DMD: variants seen among roughly 807,000 people sequenced by gnomAD.
The protein encoded by DMD is mutant dystrophin.
A neutral mutation model predicts 330.1 loss-of-function variants in DMD; 63 were observed. The observed-to-expected ratio is 0.19, with a 90% CI of 0.16 to 0.24. The LOEUF (loss-of-function observed/expected upper bound fraction) is 0.24, where lower values mean the gene tolerates loss of function less well. DMD is among the 10% of genes least tolerant of loss of function. The probability of loss-of-function intolerance (pLI) is 1.00; values close to 1 mark genes in which losing one functional copy is unlikely to be tolerated. For missense variants in DMD, 3,344 were observed against 2,684.1 expected, an observed-to-expected ratio of 1.25 and a Z score of -5.43; for synonymous variants, 1,223 against 959.8, an observed-to-expected ratio of 1.27 and a Z score of -5.07.
intron 13 of DMD, among the ~76,000 whole-genome samples, chrX:32,590,377 G>A (rs1044883226): frequency 1.7e-4 from 19 of 111,452 alleles, no homozygotes; most frequent in African/African-American, 6.2e-4. Context: ...AATATTATGT[G>A]TCAACTTCAT....
At chrX:33,195,920 T>A (rs1021903335) in intron 1 of DMD, among the ~76,000 whole-genome samples, 23 of 111,500 alleles carry the variant, frequency 2.1e-4, no homozygotes, top group Non-Finnish European at 3.8e-4. Flanking sequence ...TAGGCACAAT[T>A]AATCCACATA....
At chrX:32,205,181 G>T (rs1234003417) in intron 44 of DMD, among the ~76,000 whole-genome samples, 1 of 96,729 alleles carries the variant, frequency 1.0e-5, no homozygotes. Context: ...TTCACAGTTT[G>T]GACAATGAAC....
intron 7 of DMD, among the ~76,000 whole-genome samples, chrX:32,715,637 T>C (rs963770399): frequency 9.2e-6 from 1 of 108,652 alleles, no homozygotes; most frequent in Non-Finnish European, 1.9e-5. Flanking sequence ...CCATCTCTAC[T>C]AAAAATGCAA....
chrX:32,012,414 G>T (rs980853157), intron 44 of DMD, among the ~76,000 whole-genome samples: 1 of 111,704 alleles, frequency 9.0e-6, no homozygotes, highest in Non-Finnish European at 1.9e-5. Context: ...TTCCATTATT[G>T]TGCCTCAGTC....
At chrX:32,503,945 T>C (rs955114661) in intron 18 of DMD, among the ~76,000 whole-genome samples, 1 of 111,810 alleles carries the variant, frequency 8.9e-6, no homozygotes, top group Non-Finnish European at 1.9e-5. Context: ...GATATAAAAC[T>C]GCAGTAATCA....
At chrX:32,830,208 T>A (rs1425340005) in intron 4 of DMD, among the ~76,000 whole-genome samples, 1 of 111,570 alleles carries the variant, frequency 9.0e-6, no homozygotes, top group Non-Finnish European at 1.9e-5. Context: ...TTTCTTACTA[T>A]TAGCTGTAAG....
chrX:32,940,841 A>G (rs2090359470), intron 2 of DMD, among the ~76,000 whole-genome samples: 1 of 111,938 alleles, frequency 8.9e-6, no homozygotes, highest in East Asian at 2.8e-4. Flanking sequence ...GCACAGCAAA[A>G]GAAACTATCA....
intron 76 of DMD, 21 bp from the exon 77 acceptor site, chrX:31,134,215 A>G (rs757631786): frequency 8.8e-7 from 1 of 1,141,958 alleles, no homozygotes; most frequent in Non-Finnish European, 1.2e-6. Flanking sequence ...GCAAAAACAA[A>G]TAATGGAAAA....
At chrX:31,864,382 G>A (rs1186920748) in intron 48 of DMD, among the ~76,000 whole-genome samples, 1 of 109,955 alleles carries the variant, frequency 9.1e-6, no homozygotes, top group East Asian at 2.8e-4. Context: ...TCCTTATATG[G>A]GCAAGTTAGG....
At chrX:32,895,399 A>G (rs768710956) in intron 2 of DMD, among the ~76,000 whole-genome samples, 2 of 112,574 alleles carry the variant, frequency 1.8e-5, no homozygotes, top group Non-Finnish European at 3.7e-5. Flanking sequence ...TCAGTTCATC[A>G]TAACTGAATT....
intron 37 of DMD, among the ~76,000 whole-genome samples, chrX:32,350,685 G>A (rs1225496264): frequency 9.0e-6 from 1 of 110,860 alleles, no homozygotes; most frequent in Non-Finnish European, 1.9e-5. Flanking sequence ...AGCTTACTAT[G>A]TTTCAAAAAC....
At chrX:32,172,753 C>T (rs1010811970) in intron 44 of DMD, among the ~76,000 whole-genome samples, 1 of 111,964 alleles carries the variant, frequency 8.9e-6, no homozygotes, top group Non-Finnish European at 1.9e-5. Flanking sequence ...GTTTATGTGG[C>T]CAGTTCCTTA....
At chrX:32,596,573 C>A (rs2055566950) in intron 12 of DMD, among the ~76,000 whole-genome samples, 1 of 109,482 alleles carries the variant, frequency 9.1e-6, no homozygotes, top group African/African-American at 3.3e-5. Context: ...GAGACGGATT[C>A]TCACTGTGTC....
At chrX:33,154,585 C>A (rs753540123) in intron 1 of DMD, among the ~76,000 whole-genome samples, 3 of 111,518 alleles carry the variant, frequency 2.7e-5, no homozygotes, top group Non-Finnish European at 5.6e-5. Context: ...TGTTTTATTT[C>A]TAGATTAAAA....
intron 1 of DMD, among the ~76,000 whole-genome samples, chrX:33,275,643 G>A (rs1269425061): frequency 9.0e-6 from 1 of 111,446 alleles, no homozygotes; most frequent in African/African-American, 3.3e-5. Flanking sequence ...TTTAGGAAGT[G>A]TTCCAAAGAA....
intron 9 of DMD, among the ~76,000 whole-genome samples, chrX:32,665,876 A>G (rs1202017061): frequency 8.9e-6 from 1 of 111,759 alleles, no homozygotes; most frequent in African/African-American, 3.3e-5. Flanking sequence ...GAACATTGGT[A>G]CTACATTTAT....
intron 37 of DMD, 91 bp downstream of exon 37, chrX:32,362,697 T>A: frequency 9.8e-7 from 1 of 1,019,530 alleles, no homozygotes. Context: ...AAAACCTTGC[T>A]GTGGGGTCTA....
At chrX:31,330,343 G>A (rs773974760) in intron 61 of DMD, among the ~76,000 whole-genome samples, 1 of 111,569 alleles carries the variant, frequency 9.0e-6, no homozygotes, top group South Asian at 3.8e-4. Flanking sequence ...AATAAAGTGG[G>A]ATGAAACACA....
chrX:31,951,130 T>C (rs1569521219), intron 45 of DMD, among the ~76,000 whole-genome samples: 1 of 77,751 alleles, frequency 1.3e-5, no homozygotes, highest in East Asian at 3.7e-4. Flanking sequence ...TACATATATA[T>C]ATATATATAT....
Sources: gnomAD v4.1 joint callset for allele counts (sites outside exome capture counted in the v4.1 genomes callset) on GRCh38, gnomAD v4.1.1 for gene constraint, MANE v1.5 for transcripts, NCBI Gene and HGNC (gene_info 2026-07-23, HGNC 2026-07-21) for gene names.